The following ESYT2 variants were observed in gnomAD, a reference collection of about 807,000 sequenced individuals.
ESYT2 encodes the protein extended synaptotagmin 2, also known as extended synaptotagmin-2.
A neutral mutation model predicts 107.2 loss-of-function variants in ESYT2; 54 were observed. That is an observed-to-expected ratio of 0.50 (90% CI 0.40 to 0.63). ESYT2 has a LOEUF of 0.63. Among genes scored for constraint, ESYT2 ranks in the 30% least tolerant of loss-of-function variants. The probability of loss-of-function intolerance (pLI) is 0.00; values close to 1 mark genes in which losing one functional copy is unlikely to be tolerated. For synonymous variants in ESYT2, 491 were observed against 434.1 expected (o/e 1.13, Z -1.63); for missense variants, 1,020 against 1,094.5 (o/e 0.93, Z 0.96).
chr7:158,759,049 G>A (rs910784227), intron 13 of ESYT2, among the ~76,000 whole-genome samples: 2 of 152,168 alleles, frequency 1.3e-5, no homozygotes, highest in African/African-American at 2.4e-5. Flanking sequence ...GCACCATTCT[G>A]CCATCTGATG....
intron 17 of ESYT2, among the ~76,000 whole-genome samples, 154 bp from the exon 18 acceptor site, chr7:158,742,050 G>A (rs1242098229): frequency 6.6e-6 from 1 of 152,190 alleles, no homozygotes; most frequent in Non-Finnish European, 1.5e-5. Context: ...TAACCAAAAT[G>A]TCACTTCTGT....
intron 19 of ESYT2, among the ~76,000 whole-genome samples, 155 bp from the exon 20 acceptor site, chr7:158,737,334 C>T (rs768518057): frequency 6.6e-6 from 1 of 152,144 alleles, no homozygotes; most frequent in Non-Finnish European, 1.5e-5. Context: ...TTGCCTCCCC[C>T]GACGGCTGCC....
Position 158,750,712 on chromosome 7 carries a change from CCCT to C in ESYT2, c.1483-992_1483-990del, listed in dbSNP as rs570753938. 9.9e-3 allele frequency among the ~76,000 whole-genome samples: 1,511 copies of C among 152,264 alleles called. 19 individuals are homozygous for C. The highest frequency in any genetic ancestry group is 0.012 in the Non-Finnish European group (848 of 68,024). ...CTGTGGAAGAGAATACTAATTTCCCCCCTAAGTTAATTTTCTCCTTTTTCCTTT... is the reference window on the plus strand; with the variant it reads ...CTGTGGAAGAGAATACTAATTTCCCCAAGTTAATTTTCTCCTTTTTCCTTT... On this transcript the variant is annotated intron_variant, in intron 14 of 22. Coordinates refer to ENST00000275418, the MANE Select transcript of ESYT2 (RefSeq NM_001367773.1).
Position 158,814,287 on chromosome 7 carries a change from TTATATATATATATATATATATA to T in ESYT2, c.330+14780_330+14801del, listed in dbSNP as rs58908927. Among the ~76,000 whole-genome samples the T allele has an allele frequency of 9.1e-4, 61 of 66,900 alleles. 2 individuals are homozygous for T. The highest frequency in any genetic ancestry group is 1.3e-3 in the Admixed American group (8 of 5,932). The allele number at this position is 66,900 out of a possible 152,430, so 43.9% of individuals were successfully genotyped here. ...AGACTCCGTCTCAAAAAAAAAAAAA[TTATATATATATATATATATATA>T]TATATATATATATATATATATATAT... On this transcript the variant is annotated intron_variant, in intron 1 of 22. Transcript: ENST00000275418.
At chr7:158,781,474 G>A (rs958183827) in intron 6 of ESYT2, among the ~76,000 whole-genome samples, 3 of 150,480 alleles carry the variant, frequency 2.0e-5, no homozygotes, top group African/African-American at 7.3e-5. Context: ...AGTGTGAGAG[G>A]TGTGAGTGTG....
intron 13 of ESYT2, among the ~76,000 whole-genome samples, chr7:158,754,139 G>A (rs902985667): frequency 5.3e-5 from 8 of 152,134 alleles, no homozygotes; most frequent in East Asian, 3.9e-4. Context: ...TACTCATCTT[G>A]CAGCCTCGGG....
chr7:158,806,153 G>GTGCCGGGGCACACCGCGTGGA (rs1839828404), intron 1 of ESYT2, among the ~76,000 whole-genome samples: 2 of 152,246 alleles, frequency 1.3e-5, no homozygotes, highest in African/African-American at 4.8e-5. Flanking sequence ...CACCGCGTAG[G>GTGCCGGGGCACACCGCGTGGA]AGGCGCTGGC....
chr7:158,827,376 T>C (rs1048278621), intron 1 of ESYT2, among the ~76,000 whole-genome samples: 7 of 152,156 alleles, frequency 4.6e-5, no homozygotes, highest in African/African-American at 1.7e-4. Context: ...GTATTATGCA[T>C]CTTAGTGTAA....
At chr7:158,800,948 C>T (rs1839623967) in intron 1 of ESYT2, among the ~76,000 whole-genome samples, 1 of 152,162 alleles carries the variant, frequency 6.6e-6, no homozygotes, top group Non-Finnish European at 1.5e-5. Flanking sequence ...ATCACTGCCT[C>T]ACTGTAGGCA....
chr7:158,801,294 T>G (rs1839636204), intron 1 of ESYT2, among the ~76,000 whole-genome samples: 1 of 152,250 alleles, frequency 6.6e-6, no homozygotes, highest in South Asian at 2.1e-4. Context: ...ACAAAGTGGC[T>G]TTGAAAATCG....
At chr7:158,801,746 T>C (rs1584868661) in intron 1 of ESYT2, among the ~76,000 whole-genome samples, 1 of 152,240 alleles carries the variant, frequency 6.6e-6, no homozygotes, top group African/African-American at 2.4e-5. Flanking sequence ...TATTCACGTT[T>C]CTATTATATT....
At chr7:158,796,151 T>C (rs183498566) in intron 3 of ESYT2, among the ~76,000 whole-genome samples, 1 of 152,348 alleles carries the variant, frequency 6.6e-6, no homozygotes, top group Admixed American at 6.5e-5. Flanking sequence ...CTCTGCTGTG[T>C]GTGCAACAAC....
At chr7:158,826,904 C>T (rs182503777) in intron 1 of ESYT2, among the ~76,000 whole-genome samples, 1,789 of 151,758 alleles carry the variant, frequency 0.012, 34 homozygotes, top group African/African-American at 0.041. Flanking sequence ...GTGGCTCACG[C>T]CTGTAATCCC....
chr7:158,788,441 T>C (rs374732018), intron 4 of ESYT2, 24 bp from the exon 5 acceptor site: 14 of 1,569,224 alleles, frequency 8.9e-6, no homozygotes, highest in Admixed American at 7.1e-5. Context: ...CTGCATTACA[T>C]GATGTAAGTG....
At chr7:158,820,136 G>A (rs1313683587) in intron 1 of ESYT2, among the ~76,000 whole-genome samples, 1 of 152,160 alleles carries the variant, frequency 6.6e-6, no homozygotes, top group African/African-American at 2.4e-5. Flanking sequence ...GGATGGTTTG[G>A]TATTATGGAT....
intron 1 of ESYT2, among the ~76,000 whole-genome samples, chr7:158,809,890 A>C (rs991967317): frequency 6.6e-6 from 1 of 152,218 alleles, no homozygotes; most frequent in Admixed American, 6.5e-5. Context: ...TTTTCTGCTC[A>C]TAAATCTTCT....
intron 1 of ESYT2, among the ~76,000 whole-genome samples, chr7:158,804,468 A>T (rs1203178034): frequency 8.9e-5 from 13 of 146,866 alleles, no homozygotes; most frequent in Admixed American, 8.8e-4. Context: ...TGACAAACCC[A>T]AACTGCCGAG....
chr7:158,817,889 C>T (rs1584886826), intron 1 of ESYT2, among the ~76,000 whole-genome samples: 1 of 152,284 alleles, frequency 6.6e-6, no homozygotes, highest in East Asian at 1.9e-4. Flanking sequence ...ATGTGAGCAG[C>T]ATAATCAAAA....
At position 158,829,272 on chromosome 7, in the gene ESYT2, G is replaced by T. The variant is rs751397026; in HGVS notation, c.147C>A (p.Pro49=). 3.9e-6 allele frequency: 6 copies of T among 1,521,474 alleles called. No individual in the cohort carries two copies. Among genetic ancestry groups the T allele is most frequent in the African/African-American group, 2.9e-5 (2 of 70,126 alleles). 94.2% of individuals were successfully genotyped at this position (1,521,474 alleles called of 1,614,324 possible). A position where few individuals can be genotyped will look rare whatever the true frequency, so the allele number is the denominator to read the frequency against. Residue 49 remains proline (P), a synonymous_variant, in exon 1 of 23, where the codon CCC becomes CCA. Transcript: ENST00000275418. The part of the protein sequence containing the change: ...QLARSFALLL[P]VYALGYLGLS... ...GCCCCAGGTAGCCCAGCGCGTACAC[G>T]GGCAGCAGCAGCGCGAAGCTCCGCG...
Sources: gnomAD v4.1 joint callset for allele counts (sites outside exome capture counted in the v4.1 genomes callset) on GRCh38, gnomAD v4.1.1 for gene constraint, MANE v1.5 for transcripts, NCBI Gene and HGNC (gene_info 2026-07-23, HGNC 2026-07-21) for gene names.